SGCZ: variants seen among roughly 807,000 people sequenced by gnomAD.
SGCZ encodes sarcoglycan zeta.
Under a neutral mutation model 41.3 loss-of-function variants are expected in SGCZ, and 40 were observed. The ratio of observed to expected loss-of-function variants is 0.97; its 90% CI spans 0.75 to 1.26. The LOEUF is 1.26. SGCZ is among the 50% of genes most tolerant of loss of function. SGCZ has a pLI of 0.00. For missense variants in SGCZ, 552 were observed against 369.8 expected, an observed-to-expected ratio of 1.49 and a Z score of -4.04; for synonymous variants, 206 against 137.5, an observed-to-expected ratio of 1.50 and a Z score of -3.49.
chr8:14,452,202 C>A (rs932773352), intron 2 of SGCZ, among the ~76,000 whole-genome samples: 1 of 151,988 alleles, frequency 6.6e-6, no homozygotes, highest in African/African-American at 2.4e-5. Context: ...TTAAAGAAGT[C>A]AATCTGACAA....
At chr8:14,972,138 T>C (rs1801320522) in intron 1 of SGCZ, among the ~76,000 whole-genome samples, 1 of 152,162 alleles carries the variant, frequency 6.6e-6, no homozygotes, top group Non-Finnish European at 1.5e-5. Flanking sequence ...TTGATAGAAC[T>C]CTTCAGTAAA....
At chr8:14,108,601 C>A (rs547887002) in intron 5 of SGCZ, among the ~76,000 whole-genome samples, 1 of 152,100 alleles carries the variant, frequency 6.6e-6, no homozygotes, top group Non-Finnish European at 1.5e-5. Context: ...GGGGAAACCA[C>A]CTCCATGGTT....
At chr8:14,824,817 T>C (rs920397900) in intron 1 of SGCZ, among the ~76,000 whole-genome samples, 11 of 152,098 alleles carry the variant, frequency 7.2e-5, no homozygotes, top group Non-Finnish European at 1.3e-4. Flanking sequence ...GAAATCCTTC[T>C]TCTCTATTGA....
intron 1 of SGCZ, among the ~76,000 whole-genome samples, chr8:14,693,098 C>T (rs189171595): frequency 6.6e-6 from 1 of 152,156 alleles, no homozygotes; most frequent in Admixed American, 6.5e-5. Context: ...ATTAAAAAGA[C>T]ACAGGTTTGT....
intron 3 of SGCZ, among the ~76,000 whole-genome samples, chr8:14,262,862 G>C (rs73664020): frequency 0.015 from 2,163 of 146,482 alleles, 59 homozygotes; most frequent in African/African-American, 0.05. Flanking sequence ...ATTAGAAAAA[G>C]CAAAATGTGA....
intron 1 of SGCZ, among the ~76,000 whole-genome samples, chr8:14,871,111 G>A (rs994771337): frequency 6.6e-6 from 1 of 152,030 alleles, no homozygotes; most frequent in African/African-American, 2.4e-5. Flanking sequence ...GGAGGCTGAG[G>A]CAGAAGAATC....
At chr8:14,651,050 G>C (rs895574911) in intron 1 of SGCZ, among the ~76,000 whole-genome samples, 1 of 151,858 alleles carries the variant, frequency 6.6e-6, no homozygotes, top group Non-Finnish European at 1.5e-5. Flanking sequence ...TTTATCCCTA[G>C]ACAGTTTCAT....
chr8:14,357,384 T>G (rs1803336946), intron 2 of SGCZ, among the ~76,000 whole-genome samples: 1 of 152,192 alleles, frequency 6.6e-6, no homozygotes, highest in African/African-American at 2.4e-5. Flanking sequence ...TATTTTTGAC[T>G]GAAAATTCTT....
intron 1 of SGCZ, among the ~76,000 whole-genome samples, chr8:14,580,996 T>C (rs1423761581): frequency 1.3e-5 from 2 of 152,230 alleles, no homozygotes; most frequent in Non-Finnish European, 2.9e-5. Context: ...TTGAGAACCA[T>C]AGCTACTGCA....
chr8:14,342,650 G>C (rs1265895331), intron 2 of SGCZ, among the ~76,000 whole-genome samples: 1 of 152,176 alleles, frequency 6.6e-6, no homozygotes, highest in Non-Finnish European at 1.5e-5. Flanking sequence ...GAGCATTCAA[G>C]AGGTGACTTG....
intron 2 of SGCZ, among the ~76,000 whole-genome samples, chr8:14,349,066 G>C (rs1158244512): frequency 2.0e-5 from 3 of 152,102 alleles, no homozygotes; most frequent in South Asian, 4.2e-4. Flanking sequence ...ATTTTCCTTA[G>C]AGACAACATT....
At chr8:14,678,060 C>T (rs1026848156) in intron 1 of SGCZ, among the ~76,000 whole-genome samples, 1 of 152,082 alleles carries the variant, frequency 6.6e-6, no homozygotes, top group African/African-American at 2.4e-5. Context: ...GGATCACAAA[C>T]TTAAATGGAA....
intron 1 of SGCZ, among the ~76,000 whole-genome samples, chr8:14,688,367 T>G (rs1808686719): frequency 6.6e-6 from 1 of 152,196 alleles, no homozygotes. Context: ...GAATTAATTT[T>G]TGTAGAAGGT....
At chr8:15,007,953 T>C (rs889868760) in intron 1 of SGCZ, among the ~76,000 whole-genome samples, 4 of 152,212 alleles carry the variant, frequency 2.6e-5, no homozygotes, top group African/African-American at 9.6e-5. Context: ...TTTTAATCTA[T>C]TCAGCATTTC....
chr8:14,115,966 G>A (rs1345119997), intron 5 of SGCZ, among the ~76,000 whole-genome samples: 2 of 151,902 alleles, frequency 1.3e-5, no homozygotes, highest in Non-Finnish European at 2.9e-5. Context: ...AGGTCATACC[G>A]ACCATTACCA....
At chr8:15,208,570 G>A (rs1801140856) in intron 1 of SGCZ, among the ~76,000 whole-genome samples, 1 of 152,102 alleles carries the variant, frequency 6.6e-6, no homozygotes, top group Admixed American at 6.6e-5. Flanking sequence ...GAAACAAGAT[G>A]CACTGTGAAT....
intron 1 of SGCZ, among the ~76,000 whole-genome samples, chr8:14,680,708 A>G (rs1375433200): frequency 6.6e-6 from 1 of 150,840 alleles, no homozygotes; most frequent in African/African-American, 2.5e-5. Flanking sequence ...TTAGTGAAAA[A>G]ATACATTAAA....
At chr8:14,860,695 G>GGAGA (rs1563321307) in intron 1 of SGCZ, among the ~76,000 whole-genome samples, 46 of 98,678 alleles carry the variant, frequency 4.7e-4, no homozygotes, top group African/African-American at 1.6e-3. Context: ...AAAGAAAGAA[G>GGAGA]GAAAGAAAGA....
At chr8:14,119,638 G>T (rs1442072791) in intron 5 of SGCZ, among the ~76,000 whole-genome samples, 1 of 152,124 alleles carries the variant, frequency 6.6e-6, no homozygotes, top group Non-Finnish European at 1.5e-5. Flanking sequence ...TCTTATGCCA[G>T]TTTTTGAAGG....
Sources: gnomAD v4.1 joint callset for allele counts (sites outside exome capture counted in the v4.1 genomes callset) on GRCh38, gnomAD v4.1.1 for gene constraint, MANE v1.5 for transcripts, NCBI Gene and HGNC (gene_info 2026-07-23, HGNC 2026-07-21) for gene names.